BTG4: variants seen among roughly 807,000 people sequenced by gnomAD.
The protein encoded by BTG4 is BTG anti-proliferation factor 4, also known as protein BTG4.
In BTG4, 10 loss-of-function variants were observed where a neutral mutation model predicts 19.3. The ratio of observed to expected loss-of-function variants is 0.52; its 90% confidence interval spans 0.32 to 0.88. The LOEUF (loss-of-function observed/expected upper bound fraction) is 0.88, where lower values mean the gene tolerates loss of function less well. BTG4 is among the 40% of genes least tolerant of loss of function. The pLI is 0.04. For missense variants in BTG4, 238 were observed against 281.9 expected, an observed-to-expected ratio of 0.84 and a Z score of 1.11; for synonymous variants, 91 against 95.7, an observed-to-expected ratio of 0.95 and a Z score of 0.29.
chr11:111,438,203 T>G, the BTG4 span, among the ~76,000 whole-genome samples: 4 of 152,244 alleles, frequency 2.6e-5, no homozygotes, highest in Non-Finnish European at 2.9e-5. Flanking sequence ...CTGCAAGTGC[T>G]GACACGGGGT....
chr11:111,446,979 T>C, the BTG4 span, among the ~76,000 whole-genome samples: 1 of 152,188 alleles, frequency 6.6e-6, no homozygotes, highest in East Asian at 1.9e-4. Context: ...AAAAAAAGAA[T>C]GTAGCTCCTG....
intron 1 of BTG4, among the ~76,000 whole-genome samples, chr11:111,506,063 T>C (rs1380708585): frequency 2.6e-5 from 4 of 152,134 alleles, no homozygotes; most frequent in Non-Finnish European, 5.9e-5. Context: ...GAAAACGGTA[T>C]AGCGATATCT....
intron 1 of BTG4, among the ~76,000 whole-genome samples, chr11:111,505,993 C>A (rs1866428219): frequency 6.6e-6 from 1 of 151,900 alleles, no homozygotes; most frequent in South Asian, 2.1e-4. Context: ...GGTGTGTATG[C>A]AGAGAAAAGG....
chr11:111,449,745 T>G, the BTG4 span: 84 of 152,446 alleles, frequency 5.5e-4, no homozygotes, highest in African/African-American at 1.9e-3. Context: ...CCCATGGACA[T>G]GACCCAAGCC....
At chr11:111,491,074 C>T (rs1865386544), downstream of BTG4, among the ~76,000 whole-genome samples, 2 of 152,182 alleles carry the variant, frequency 1.3e-5, no homozygotes, top group African/African-American at 4.8e-5. Flanking sequence ...CATGCAGCAA[C>T]CTGGATGAAT....
chr11:111,456,592 T>C, the BTG4 span: 4 of 454,536 alleles, frequency 8.8e-6, no homozygotes, highest in South Asian at 6.2e-5. The surrounding 1 kb of genome is among the most constrained non-coding windows in gnomAD (Gnocchi z 4.2). Context: ...CCCCAACTCC[T>C]TGATGCTTCC....
chr11:111,456,388 G>A, the BTG4 span: 13 of 401,908 alleles, frequency 3.2e-5, no homozygotes, highest in South Asian at 2.1e-4. The surrounding 1 kb of genome is among the most constrained non-coding windows in gnomAD (Gnocchi z 4.2). Flanking sequence ...GGAGCACAAT[G>A]TCTGTGGAGG....
At chr11:111,390,726 C>A in the BTG4 span, among the ~76,000 whole-genome samples, 2 of 152,214 alleles carry the variant, frequency 1.3e-5, no homozygotes, top group African/African-American at 2.4e-5. Flanking sequence ...AAGAGTCCAA[C>A]AGGACTCTGA....
chr11:111,435,871 T>A, the BTG4 span, among the ~76,000 whole-genome samples: 1 of 152,160 alleles, frequency 6.6e-6, no homozygotes, highest in Non-Finnish European at 1.5e-5. Context: ...AGAGCCCAGC[T>A]GTAAGTCCAA....
chr11:111,454,839 TG>T, the BTG4 span: 4 of 214,096 alleles, frequency 1.9e-5, no homozygotes, highest in South Asian at 4.4e-5. Context: ...GGTTGGGGGT[TG>T]GGGGGTGGGG....
rs1183217488 is a variant in BTG4 at position 111,498,783 on chromosome 11, A to G, written c.-7T>C. 1.9e-6 allele frequency: 3 copies of G among 1,600,860 alleles called. No homozygotes were observed. In the South Asian group the frequency reaches 3.4e-5, roughly 18 times the overall value. ...TTGCAATTTCATCTCTCATGATTCA[A>G]GAAAAATAGATAAGGAGGTCTGAAT... On this transcript the variant is annotated 5_prime_UTR_variant, in exon 2 of 5. Coordinates refer to ENST00000692032, the MANE Select transcript of BTG4 (RefSeq NM_001367975.1).
the BTG4 span, chr11:111,417,163 T>C: frequency 6.6e-6 from 1 of 152,226 alleles, no homozygotes; most frequent in Non-Finnish European, 1.5e-5. Context: ...ACAGCTTTCT[T>C]AATAGACTGA....
At chr11:111,478,786 T>C (rs1356727455) in intron 5 of BTG4, among the ~76,000 whole-genome samples, 1 of 152,094 alleles carries the variant, frequency 6.6e-6, no homozygotes, top group Non-Finnish European at 1.5e-5. Flanking sequence ...TCAATGTTTT[T>C]AGATAGAACA....
At chr11:111,491,366 G>C (rs1865404077), downstream of BTG4, among the ~76,000 whole-genome samples, 1 of 152,064 alleles carries the variant, frequency 6.6e-6, no homozygotes, top group Non-Finnish European at 1.5e-5. Context: ...GTTACCAAGG[G>C]GGAAAACTAG....
chr11:111,460,691 T>C, the BTG4 span, among the ~76,000 whole-genome samples: 18 of 152,274 alleles, frequency 1.2e-4, no homozygotes, highest in African/African-American at 3.8e-4. Flanking sequence ...GTATGAGAAA[T>C]GTATCTTCTA....
At chr11:111,502,409 C>G (rs1248300258) in intron 1 of BTG4, among the ~76,000 whole-genome samples, 3 of 152,176 alleles carry the variant, frequency 2.0e-5, no homozygotes, top group Non-Finnish European at 4.4e-5. Context: ...AGATTTTAAG[C>G]TTATTTTACA....
At chr11:111,424,307 G>A in the BTG4 span, among the ~76,000 whole-genome samples, 1 of 152,236 alleles carries the variant, frequency 6.6e-6, no homozygotes. Flanking sequence ...GGGCTCTAGA[G>A]CTGGATGACT....
chr11:111,455,891 T>C, the BTG4 span: 3 of 441,592 alleles, frequency 6.8e-6, no homozygotes, highest in Non-Finnish European at 1.4e-5. Context: ...GAGCTTTGCT[T>C]GGGCCTCAGC....
At chr11:111,435,693 A>C in the BTG4 span, among the ~76,000 whole-genome samples, 2 of 152,160 alleles carry the variant, frequency 1.3e-5, no homozygotes, top group Non-Finnish European at 2.9e-5. Flanking sequence ...GGGGAAACGT[A>C]GATCCCCAAG....
Sources: gnomAD v4.1 joint callset for allele counts (sites outside exome capture counted in the v4.1 genomes callset) on GRCh38, gnomAD v4.1.1 for gene constraint, Gnocchi (gnomAD v3.1) non-coding constraint, MANE v1.5 for transcripts, NCBI Gene and HGNC (gene_info 2026-07-23, HGNC 2026-07-21) for gene names.